CNTN5: variants seen among roughly 807,000 people sequenced by gnomAD.
CNTN5 encodes contactin-5.
In CNTN5, 77 loss-of-function variants were observed where a neutral mutation model predicts 129.1. The observed-to-expected ratio is 0.60, with a 90% CI of 0.50 to 0.72. The LOEUF is 0.72. Ranked by LOEUF, CNTN5 falls within the 30% of genes least tolerant of loss-of-function variation. CNTN5 has a pLI of 0.00. For missense variants in CNTN5, 1,478 were observed against 1,328.8 expected (o/e 1.11, Z -1.75); for synonymous variants, 509 against 465.6 (o/e 1.09, Z -1.20).
chr11:99,751,780 T>C (rs1220879991), intron 3 of CNTN5, among the ~76,000 whole-genome samples: 1 of 152,222 alleles, frequency 6.6e-6, no homozygotes, highest in African/African-American at 2.4e-5. Context: ...AAACTTCATG[T>C]TGAAACATAA....
In CNTN5 at chr11:100,127,651, CTTTTTTTTTTTTT is replaced by C. The variant is rs66468227; in HGVS notation, c.1580+53369_1580+53381del. On this transcript the variant is annotated intron_variant, in intron 13 of 24. Transcript: ENST00000524871. ...ACAGACTTTCTGACTTTCTTTCTTT[CTTTTTTTTTTTTT>C]TTTTTTTTTTTGAGATGGAGTCTCT... Among the ~76,000 whole-genome samples, 40 of 81,292 alleles carry C rather than the reference CTTTTTTTTTTTTT, an allele frequency of 4.9e-4. 1 individual carries two copies. Among genetic ancestry groups the C allele is most frequent in the Middle Eastern group, 0.011 (1 of 88 alleles). 53.3% of individuals were successfully genotyped at this position (81,292 alleles called of 152,430 possible). A position where few individuals can be genotyped will look rare whatever the true frequency, so the allele number is the denominator to read the frequency against.
intron 13 of CNTN5, among the ~76,000 whole-genome samples, chr11:100,125,433 T>C (rs1036787926): frequency 7.2e-5 from 11 of 152,110 alleles, no homozygotes; most frequent in African/African-American, 2.7e-4. Flanking sequence ...GGTTTCCTGG[T>C]ACTTCGTTAA....
chr11:99,927,717 G>A (rs562381798), intron 7 of CNTN5, among the ~76,000 whole-genome samples: 3 of 152,084 alleles, frequency 2.0e-5, no homozygotes, highest in Non-Finnish European at 4.4e-5. Context: ...CAACATGTGA[G>A]GATTATGGGA....
At chr11:99,366,113 A>T (rs1333416973) in intron 2 of CNTN5, among the ~76,000 whole-genome samples, 1 of 152,176 alleles carries the variant, frequency 6.6e-6, no homozygotes, top group East Asian at 1.9e-4. Context: ...TGGCTTCAAT[A>T]CAAAGTGGAA....
intron 1 of CNTN5, among the ~76,000 whole-genome samples, chr11:99,156,719 CT>C (rs1485839442): frequency 5.3e-5 from 8 of 151,902 alleles, no homozygotes; most frequent in African/African-American, 1.9e-4. Flanking sequence ...ATAATATATG[CT>C]TTGTCAATAT....
intron 6 of CNTN5, among the ~76,000 whole-genome samples, chr11:99,889,810 G>A (rs1949010981): frequency 6.6e-6 from 1 of 152,140 alleles, no homozygotes; most frequent in Admixed American, 6.6e-5. Context: ...GTCTCCCAGA[G>A]TGCTGGGATT....
At chr11:99,751,074 C>T (rs1038626039) in intron 3 of CNTN5, among the ~76,000 whole-genome samples, 5 of 152,164 alleles carry the variant, frequency 3.3e-5, no homozygotes, top group East Asian at 1.9e-4. Context: ...CAGTGGCTCA[C>T]GCCTATGATC....
chr11:99,954,492 G>A (rs907882242), intron 7 of CNTN5, among the ~76,000 whole-genome samples: 9 of 152,290 alleles, frequency 5.9e-5, no homozygotes, highest in Admixed American at 5.9e-4. Flanking sequence ...TTAAGGGCCA[G>A]GTGCAGTTTG....
chr11:99,687,586 C>G (rs1953849955), intron 3 of CNTN5, among the ~76,000 whole-genome samples: 1 of 152,082 alleles, frequency 6.6e-6, no homozygotes. Context: ...GGCTGTAGCT[C>G]ATTCTAATTG....
At chr11:99,442,901 C>A (rs1280585912) in intron 2 of CNTN5, among the ~76,000 whole-genome samples, 1 of 152,148 alleles carries the variant, frequency 6.6e-6, no homozygotes, top group Non-Finnish European at 1.5e-5. Context: ...TGGTAGGAAG[C>A]GGATCCATGT....
intron 6 of CNTN5, among the ~76,000 whole-genome samples, chr11:99,890,856 G>A (rs1040330191): frequency 6.6e-6 from 1 of 152,122 alleles, no homozygotes; most frequent in East Asian, 1.9e-4. Context: ...ATGAATCCTG[G>A]ATAAGCTGTG....
At chr11:99,463,140 T>TAAATAAATAAAC (rs1462854674) in intron 2 of CNTN5, among the ~76,000 whole-genome samples, 4 of 147,196 alleles carry the variant, frequency 2.7e-5, no homozygotes, top group African/African-American at 1.0e-4. Flanking sequence ...AATAAATAAA[T>TAAATAAATAAAC]AAATAAAAGT....
At chr11:100,194,825 T>G (rs1319784945) in intron 15 of CNTN5, among the ~76,000 whole-genome samples, 1 of 150,798 alleles carries the variant, frequency 6.6e-6, no homozygotes, top group Non-Finnish European at 1.5e-5. Context: ...AGATGAGCTC[T>G]CTTTGTTGCA....
intron 2 of CNTN5, among the ~76,000 whole-genome samples, chr11:99,496,478 A>T (rs983081475): frequency 6.6e-6 from 1 of 152,218 alleles, no homozygotes; most frequent in Non-Finnish European, 1.5e-5. Context: ...GACATATTAA[A>T]AATGTCTTGA....
chr11:99,631,744 A>G (rs1461072382), intron 3 of CNTN5, among the ~76,000 whole-genome samples: 1 of 151,836 alleles, frequency 6.6e-6, no homozygotes, highest in Non-Finnish European at 1.5e-5. Context: ...TGAGGTTCAG[A>G]GAAGTTAAAT....
At chr11:100,004,268 T>C (rs976320197) in intron 9 of CNTN5, among the ~76,000 whole-genome samples, 16 of 152,154 alleles carry the variant, frequency 1.1e-4, no homozygotes, top group Non-Finnish European at 2.4e-4. Context: ...TAGAGTGTTA[T>C]AACCAAATTC....
intron 1 of CNTN5, among the ~76,000 whole-genome samples, chr11:99,107,462 G>A (rs573826754): frequency 6.6e-6 from 1 of 151,980 alleles, no homozygotes; most frequent in African/African-American, 2.4e-5. Flanking sequence ...TTTTAGTTTA[G>A]TCTTTATGTA....
intron 4 of CNTN5, among the ~76,000 whole-genome samples, chr11:99,824,287 T>A (rs1946887260): frequency 6.6e-6 from 1 of 152,058 alleles, no homozygotes; most frequent in Non-Finnish European, 1.5e-5. Flanking sequence ...GTCACCAACA[T>A]AAAATTTTTT....
chr11:99,646,345 A>G (rs1424105047), intron 3 of CNTN5, among the ~76,000 whole-genome samples: 1 of 152,212 alleles, frequency 6.6e-6, no homozygotes, highest in African/African-American at 2.4e-5. Context: ...TTTTGCTATA[A>G]GTCAAATATG....
Sources: allele counts gnomAD v4.1 joint callset (sites outside exome capture counted in the v4.1 genomes callset), GRCh38; gene constraint gnomAD v4.1.1; transcripts MANE v1.5; gene names NCBI Gene and HGNC (gene_info 2026-07-23, HGNC 2026-07-21).